WNT3A: variants seen among roughly 807,000 people sequenced by gnomAD.
WNT3A encodes Wnt family member 3A, also known as protein Wnt-3a.
In WNT3A, 17 loss-of-function variants were observed where a neutral mutation model predicts 37.0. That is an observed-to-expected ratio of 0.46 (90% CI 0.31 to 0.69). WNT3A has a LOEUF of 0.69. Among genes scored for constraint, WNT3A ranks in the 30% least tolerant of loss-of-function variants. The probability of loss-of-function intolerance (pLI) is 0.05; values close to 1 mark genes in which losing one functional copy is unlikely to be tolerated. For missense variants in WNT3A, 411 were observed against 510.2 expected, an observed-to-expected ratio of 0.81 and a Z score of 1.87; for synonymous variants, 187 against 211.0, an observed-to-expected ratio of 0.89 and a Z score of 0.99.
At chr1:228,018,536 G>A (rs752140181) in intron 1 of WNT3A, among the ~76,000 whole-genome samples, 3 of 152,002 alleles carry the variant, frequency 2.0e-5, no homozygotes, top group Non-Finnish European at 4.4e-5. Context: ...GGGACTACAG[G>A]TGTGTGCCAC....
chr1:228,013,789 G>A (rs1304043047), intron 1 of WNT3A, among the ~76,000 whole-genome samples: 3 of 152,244 alleles, frequency 2.0e-5, no homozygotes, highest in African/African-American at 4.8e-5. Flanking sequence ...CAGCCTGGGC[G>A]AGATGGGAGG....
At chr1:228,027,107 T>G (rs1364783446) in intron 2 of WNT3A, among the ~76,000 whole-genome samples, 2 of 152,220 alleles carry the variant, frequency 1.3e-5, no homozygotes, top group Non-Finnish European at 2.9e-5. Flanking sequence ...CCTCCCTAAG[T>G]GCTGGGATTA....
At position 228,059,212 on chromosome 1, in the gene WNT3A, G is replaced by A. The variant is rs2124821704; in HGVS notation, c.806G>A (p.Arg269His). 1 of 1,611,778 alleles carries A rather than the reference G, an allele frequency of 6.2e-7. No homozygotes were observed. ...ACCTACTTCAAGGTGCCCACGGAGCGCGACCTGGTCTACTACGAGGCCTCG... is the reference window on the plus strand; with the variant it reads ...ACCTACTTCAAGGTGCCCACGGAGCACGACCTGGTCTACTACGAGGCCTCG... ...RYTYFKVPTE[R>H]DLVYYEASPN... Residue 269 changes from arginine (R) to histidine (H), a missense_variant, in exon 4 of 4, where the codon CGC (arginine) becomes CAC (histidine). Transcript: ENST00000284523.
chr1:228,058,511 CCATA>C (rs534857551), intron 3 of WNT3A, among the ~76,000 whole-genome samples: 101 of 152,380 alleles, frequency 6.6e-4, no homozygotes, highest in South Asian at 3.7e-3. Flanking sequence ...TCTGCAGTCC[CCATA>C]CAGTGACCAG....
At chr1:228,029,018 C>T (rs529898151) in intron 2 of WNT3A, among the ~76,000 whole-genome samples, 5 of 152,154 alleles carry the variant, frequency 3.3e-5, no homozygotes, top group African/African-American at 1.2e-4. Flanking sequence ...AAGGTCTGCT[C>T]CGCTCCCTCC....
intron 1 of WNT3A, among the ~76,000 whole-genome samples, chr1:228,015,702 C>T (rs986607548): frequency 6.7e-6 from 1 of 149,690 alleles, no homozygotes; most frequent in Non-Finnish European, 1.5e-5. Context: ...CCACCACCCC[C>T]GCCTCCCCCC....
Position 228,060,065 on chromosome 1 carries a change from G to C in WNT3A, c.*600G>C, listed in dbSNP as rs550932780. 19 of 1,202,588 alleles carry C rather than the reference G, an allele frequency of 1.6e-5. No individual in the cohort carries two copies. In the African/African-American group the frequency reaches 2.5e-4, roughly 16 times the overall value. 74.5% of individuals were successfully genotyped at this position (1,202,588 alleles called of 1,614,324 possible). A position where few individuals can be genotyped will look rare whatever the true frequency, so the allele number is the denominator to read the frequency against. ...CCCTTCCACGGGGGCTGTGGCTCTG[G>C]GTGGGCGTGGCCTGCATAGGCTCCT... On this transcript the variant is annotated 3_prime_UTR_variant, in exon 4 of 4. Transcript: ENST00000284523.
At position 228,045,630 on chromosome 1, in the gene WNT3A, C is replaced by A. The variant is rs561913518; in HGVS notation, c.314-5026C>A. ...TCAGAGGCAGTGGGTTCAGCAAAGG[C>A]CCCTCCAGGCCTGTCTGTGAACTGA... On this transcript the variant is annotated intron_variant, in intron 2 of 3. Coordinates refer to ENST00000284523, the MANE Select transcript of WNT3A (RefSeq NM_033131.4). Among the ~76,000 whole-genome samples the A allele has an allele frequency of 2.0e-5, 3 of 152,334 alleles. No homozygotes were observed. The East Asian group carries it at 5.8e-4, about 29-fold the overall frequency.
chr1:228,029,768 C>T (rs2102768522), intron 2 of WNT3A, among the ~76,000 whole-genome samples: 1 of 147,936 alleles, frequency 6.8e-6, no homozygotes, highest in East Asian at 2.3e-4. Context: ...ACATTGAAAT[C>T]CTCACCCACA....
intron 1 of WNT3A, among the ~76,000 whole-genome samples, chr1:228,021,364 T>C (rs2030701198): frequency 6.6e-6 from 1 of 152,210 alleles, no homozygotes; most frequent in Admixed American, 6.5e-5. Flanking sequence ...CTGGGAGCTG[T>C]TGGGACCTGG....
chr1:228,049,759 C>T lies in WNT3A; in HGVS notation c.314-897C>T, dbSNP rs115444682. On this transcript the variant is annotated intron_variant, in intron 2 of 3. Transcript: ENST00000284523. ...ACATCCCCAGGATGGGTGATGTCGACCATCTTTCCAGGTGCATGCTGGCCT... is the reference window on the plus strand; with the variant it reads ...ACATCCCCAGGATGGGTGATGTCGATCATCTTTCCAGGTGCATGCTGGCCT... Among the ~76,000 whole-genome samples, 646 of 152,248 alleles carry T rather than the reference C, an allele frequency of 4.2e-3. 8 individuals carry two copies. The highest frequency in any genetic ancestry group is 0.015 in the African/African-American group (618 of 41,550).
At chr1:228,017,792 A>G (rs1027111837) in intron 1 of WNT3A, among the ~76,000 whole-genome samples, 5 of 152,232 alleles carry the variant, frequency 3.3e-5, no homozygotes, top group Non-Finnish European at 7.3e-5. Context: ...TGGAGCTTGC[A>G]TAGCAAGATG....
At chr1:228,011,112 G>A (rs1356353482) in intron 1 of WNT3A, among the ~76,000 whole-genome samples, 3 of 152,184 alleles carry the variant, frequency 2.0e-5, no homozygotes, top group Non-Finnish European at 4.4e-5. Flanking sequence ...AAGAGGGGTC[G>A]GGTGAAGAGG....
intron 1 of WNT3A, among the ~76,000 whole-genome samples, chr1:228,013,470 C>T (rs1421068755): frequency 6.6e-6 from 1 of 152,206 alleles, no homozygotes; most frequent in Non-Finnish European, 1.5e-5. Context: ...TGCGTGGCCG[C>T]GGGCACAGGA....
In WNT3A at chr1:228,018,589, G is replaced by T. The variant is rs2030599359; in HGVS notation, c.72-4078G>T. Among the ~76,000 whole-genome samples the T allele has an allele frequency of 2.6e-5, 4 of 152,046 alleles. No individual in the cohort carries two copies. In the South Asian group the frequency reaches 8.3e-4, roughly 32 times the overall value. On this transcript the variant is annotated intron_variant, in intron 1 of 3. Transcript: ENST00000284523. ...TGTATTTTTGTAGAGATGGGGTCTT[G>T]CTCTGTTGCCCAGATTGGTCTTGAA...
At chr1:228,018,918 G>T (rs1019017280) in intron 1 of WNT3A, among the ~76,000 whole-genome samples, 3 of 152,206 alleles carry the variant, frequency 2.0e-5, no homozygotes, top group African/African-American at 7.2e-5. Context: ...GCAATTCAAC[G>T]AACTGGAGGG....
chr1:228,047,287 A>G (rs556403716), intron 2 of WNT3A, among the ~76,000 whole-genome samples: 21 of 152,210 alleles, frequency 1.4e-4, no homozygotes, highest in Non-Finnish European at 2.5e-4. Context: ...TGGCCAATCC[A>G]CAGAAAAGTC....
Position 228,007,968 on chromosome 1 carries a change from G to A in WNT3A, c.71+769G>A, listed in dbSNP as rs942411930. Reference sequence around the variant, plus strand: ...CCACACCAGAAAAGGCGCGTTCCGTGAGACCCTCCCCAGCCTGGCGATGGA... The same window carrying A: ...CCACACCAGAAAAGGCGCGTTCCGTAAGACCCTCCCCAGCCTGGCGATGGA... On this transcript the variant is annotated intron_variant, in intron 1 of 3. Transcript: ENST00000284523. The surrounding 1 kb of genome is among the most constrained non-coding windows in gnomAD (Gnocchi z 6.0). 2.6e-5 allele frequency among the ~76,000 whole-genome samples: 4 copies of A among 152,226 alleles called. No homozygotes were observed. Among genetic ancestry groups the A allele is most frequent in the African/African-American group, 9.6e-5 (4 of 41,466 alleles).
At position 228,055,037 on chromosome 1, in the gene WNT3A, G is replaced by C. The variant is rs567507386; in HGVS notation, c.580-3949G>C. ...TAATCCCAGCTACTTGGGAGGCTGA[G>C]CCAGGAGAATCACTTGAATCCAGGA... is the stretch of plus-strand genomic sequence containing the variant. On this transcript the variant is annotated intron_variant, in intron 3 of 3. Transcript: ENST00000284523. Among the ~76,000 whole-genome samples, 16 of 149,526 alleles carry C rather than the reference G, an allele frequency of 1.1e-4. No homozygotes were observed. The East Asian group carries it at 1.2e-3, about 11-fold the overall frequency.
Sources: allele counts gnomAD v4.1 joint callset (sites outside exome capture counted in the v4.1 genomes callset), GRCh38; gene constraint gnomAD v4.1.1; non-coding constraint Gnocchi (gnomAD v3.1); transcripts MANE v1.5; gene names NCBI Gene and HGNC (gene_info 2026-07-23, HGNC 2026-07-21).